DNAJC1: variants seen among roughly 807,000 people sequenced by gnomAD.
The protein encoded by DNAJC1 is dnaJ homolog subfamily C member 1.
Under a neutral mutation model 76.6 loss-of-function variants are expected in DNAJC1, and 58 were observed. That is an observed-to-expected ratio of 0.76 (90% CI 0.61 to 0.94). The LOEUF (loss-of-function observed/expected upper bound fraction) is 0.94. DNAJC1 is among the 40% of genes least tolerant of loss of function. The pLI is 0.00. For missense variants in DNAJC1, 689 were observed against 677.3 expected (o/e 1.02, Z -0.19); for synonymous variants, 258 against 267.9 (o/e 0.96, Z 0.36).
intron 3 of DNAJC1, 119 bp downstream of exon 3, chr10:21,928,387 C>T (rs1004477510): frequency 1.0e-5 from 9 of 891,294 alleles, no homozygotes; most frequent in South Asian, 8.8e-5. Flanking sequence ...CTGCATTTCT[C>T]GGAAGGAACA....
intron 8 of DNAJC1, among the ~76,000 whole-genome samples, chr10:21,863,402 G>C (rs1283258226): frequency 6.6e-6 from 1 of 151,940 alleles, no homozygotes; most frequent in African/African-American, 2.4e-5. Context: ...TAGATGAAAT[G>C]GTCAGACCTC....
chr10:21,778,856 C>T (rs769440974), intron 9 of DNAJC1, among the ~76,000 whole-genome samples: 9 of 152,236 alleles, frequency 5.9e-5, no homozygotes, highest in Admixed American at 1.3e-4. Context: ...CCAAGGGAAG[C>T]TGTGAAAGAC....
At chr10:21,866,104 C>CAGCCT (rs1782714764) in intron 8 of DNAJC1, among the ~76,000 whole-genome samples, 1 of 140,948 alleles carries the variant, frequency 7.1e-6, no homozygotes, top group African/African-American at 2.7e-5. Flanking sequence ...CACTGCATTC[C>CAGCCT]AGCCTGGGCG....
intron 1 of DNAJC1, among the ~76,000 whole-genome samples, chr10:21,949,663 C>T (rs772010796): frequency 2.0e-5 from 3 of 151,712 alleles, no homozygotes; most frequent in Non-Finnish European, 4.4e-5. Flanking sequence ...GTGATCTGCC[C>T]GCCTTGGCCT....
chr10:21,784,703 T>C (rs999079172), intron 9 of DNAJC1, among the ~76,000 whole-genome samples: 5 of 152,192 alleles, frequency 3.3e-5, no homozygotes, highest in Non-Finnish European at 7.3e-5. Flanking sequence ...ATATACACAA[T>C]GGAATACTAT....
At chr10:21,846,879 CTTTTTTT>C (rs777182871) in intron 8 of DNAJC1, among the ~76,000 whole-genome samples, 349 of 135,654 alleles carry the variant, frequency 2.6e-3, no homozygotes, top group Non-Finnish European at 3.9e-3. Context: ...TGGATAATGA[CTTTTTTT>C]TTTTTTTTTT....
intron 6 of DNAJC1, among the ~76,000 whole-genome samples, chr10:21,908,489 T>TGGG (rs55980435): frequency 0.055 from 7,462 of 136,830 alleles, 315 homozygotes; most frequent in African/African-American, 0.1. Flanking sequence ...CCATTTTTCA[T>TGGG]GGGGGGGGGG....
chr10:21,887,104 C>A (rs1226460967), intron 7 of DNAJC1, among the ~76,000 whole-genome samples: 1 of 152,046 alleles, frequency 6.6e-6, no homozygotes, highest in East Asian at 1.9e-4. Context: ...AACAGCCAAA[C>A]CTAGAGTCAA....
intron 9 of DNAJC1, among the ~76,000 whole-genome samples, chr10:21,778,695 A>G (rs1834484610): frequency 6.6e-6 from 1 of 152,208 alleles, no homozygotes; most frequent in African/African-American, 2.4e-5. Context: ...TGATTTCTGC[A>G]TTTCCAATTG....
chr10:21,807,895 CTTTA>C (rs1018068915), intron 8 of DNAJC1, among the ~76,000 whole-genome samples: 26 of 152,088 alleles, frequency 1.7e-4, no homozygotes, highest in East Asian at 3.9e-4. Context: ...TTCTCCTTGT[CTTTA>C]TTTAAGGAAA....
chr10:21,968,147 T>A (rs1368048426), intron 1 of DNAJC1, among the ~76,000 whole-genome samples: 1 of 152,226 alleles, frequency 6.6e-6, no homozygotes. Flanking sequence ...TTTACATTTA[T>A]CAGTATCTTT....
intron 9 of DNAJC1, among the ~76,000 whole-genome samples, chr10:21,768,736 GCTTC>G (rs1304874324): frequency 6.6e-6 from 1 of 152,134 alleles, no homozygotes; most frequent in African/African-American, 2.4e-5. Context: ...TCCAACATGA[GCTTC>G]CTTGACTTCT....
intron 8 of DNAJC1, among the ~76,000 whole-genome samples, chr10:21,807,371 C>A (rs1218546834): frequency 6.6e-6 from 1 of 152,178 alleles, no homozygotes; most frequent in Non-Finnish European, 1.5e-5. Context: ...TCTAACCACA[C>A]TGACATCCGC....
intron 8 of DNAJC1, among the ~76,000 whole-genome samples, chr10:21,842,375 T>A (rs1021487700): frequency 6.6e-6 from 1 of 152,100 alleles, no homozygotes; most frequent in African/African-American, 2.4e-5. Flanking sequence ...ACTGAGGGAT[T>A]TCCAAGGAAG....
intron 9 of DNAJC1, among the ~76,000 whole-genome samples, chr10:21,795,970 CTT>C (rs528288634): frequency 4.5e-5 from 6 of 132,840 alleles, no homozygotes; most frequent in Admixed American, 1.5e-4. Context: ...GGGATTTCCG[CTT>C]TTTTTTTTTT....
intron 1 of DNAJC1, among the ~76,000 whole-genome samples, chr10:21,999,451 CTT>C (rs140026558): frequency 1.3e-4 from 12 of 94,042 alleles, no homozygotes; most frequent in African/African-American, 4.3e-4. Flanking sequence ...CTTCTTGACT[CTT>C]TTTTTTTTTT....
At chr10:21,994,092 T>C (rs1838374827) in intron 1 of DNAJC1, among the ~76,000 whole-genome samples, 1 of 152,232 alleles carries the variant, frequency 6.6e-6, no homozygotes, top group Admixed American at 6.5e-5. Flanking sequence ...ATGAAATGTA[T>C]ATTCAGATCT....
At chr10:21,834,903 G>C (rs569535988) in intron 8 of DNAJC1, among the ~76,000 whole-genome samples, 9 of 152,334 alleles carry the variant, frequency 5.9e-5, no homozygotes, top group Non-Finnish European at 1.3e-4. Flanking sequence ...TCTGGGGACA[G>C]GGCATAGACA....
At chr10:21,947,677 C>T (rs907744142) in intron 1 of DNAJC1, among the ~76,000 whole-genome samples, 24 of 152,136 alleles carry the variant, frequency 1.6e-4, no homozygotes, top group Non-Finnish European at 2.8e-4. Context: ...GCACCCCTAA[C>T]CCCTCTGTTG....
Sources: allele counts gnomAD v4.1 joint callset (sites outside exome capture counted in the v4.1 genomes callset), GRCh38; gene constraint gnomAD v4.1.1; transcripts MANE v1.5; gene names NCBI Gene and HGNC (gene_info 2026-07-23, HGNC 2026-07-21).